The following KIF26B variants were observed in gnomAD, a reference collection of about 807,000 sequenced individuals.
KIF26B encodes kinesin-like protein KIF26B.
Under a neutral mutation model 151.2 loss-of-function variants are expected in KIF26B, and 63 were observed. The ratio of observed to expected loss-of-function variants is 0.42; its 90% confidence interval spans 0.34 to 0.51. KIF26B has a LOEUF of 0.51. Among genes scored for constraint, KIF26B ranks in the 20% least tolerant of loss-of-function variants. The pLI, the probability that KIF26B is intolerant of heterozygous loss-of-function variation, is 0.07. For synonymous variants in KIF26B, 1,357 were observed against 1,262.1 expected, an observed-to-expected ratio of 1.08 and a Z score of -1.59; for missense variants, 2,813 against 2,913.6, an observed-to-expected ratio of 0.97 and a Z score of 0.79.
intron 2 of KIF26B, among the ~76,000 whole-genome samples, chr1:245,272,351 A>G (rs1056042576): frequency 6.6e-6 from 1 of 152,164 alleles, no homozygotes; most frequent in Non-Finnish European, 1.5e-5. Context: ...ACTTGAGCTC[A>G]GAAGTTCAAG....
At chr1:245,334,708 C>T (rs939735830) in intron 2 of KIF26B, among the ~76,000 whole-genome samples, 3 of 152,168 alleles carry the variant, frequency 2.0e-5, no homozygotes, top group Admixed American at 2.0e-4. Flanking sequence ...GAGGAGTGAG[C>T]CTGCAGTGCA....
chr1:245,194,435 T>C (rs1280925630), intron 2 of KIF26B, among the ~76,000 whole-genome samples: 2 of 152,194 alleles, frequency 1.3e-5, no homozygotes, highest in African/African-American at 4.8e-5. Context: ...GTCTTCCTCA[T>C]GCAGCGGTGC....
rs1472321768 is a variant in KIF26B at position 245,580,462 on chromosome 1, G to GC, written c.1351-22115_1351-22114insC. Among the ~76,000 whole-genome samples, 3 of 152,244 alleles carry GC rather than the reference G, an allele frequency of 2.0e-5. No individual in the cohort carries two copies. The East Asian group carries it at 5.8e-4, about 29-fold the overall frequency. Reference sequence around the variant, plus strand: ...TGTAGAAAATGAAAAGGGCTAATTAGATAGACCAGGGCTAGTCATAGCAGA... The same window carrying GC: ...TGTAGAAAATGAAAAGGGCTAATTAGCATAGACCAGGGCTAGTCATAGCAGA... On this transcript the variant is annotated intron_variant, in intron 5 of 14. Transcript: ENST00000407071.
intron 3 of KIF26B, among the ~76,000 whole-genome samples, chr1:245,397,196 C>T (rs992460654): frequency 5.6e-5 from 8 of 143,310 alleles, no homozygotes; most frequent in Non-Finnish European, 1.2e-4. Flanking sequence ...CCTCTTGATC[C>T]TGTTTTCCAC....
chr1:245,240,095 G>A (rs1458291798), intron 2 of KIF26B, among the ~76,000 whole-genome samples: 3 of 151,988 alleles, frequency 2.0e-5, no homozygotes, highest in Non-Finnish European at 4.4e-5. Context: ...GCTTGAACCC[G>A]GGAGGCGGAG....
At chr1:245,256,613 C>A (rs574663916) in intron 2 of KIF26B, among the ~76,000 whole-genome samples, 68 of 152,246 alleles carry the variant, frequency 4.5e-4, no homozygotes, top group African/African-American at 1.6e-3. Flanking sequence ...CTGAATGGAC[C>A]TCTCCTCTCC....
intron 2 of KIF26B, among the ~76,000 whole-genome samples, chr1:245,300,267 C>T (rs1558380426): frequency 6.6e-6 from 1 of 152,154 alleles, no homozygotes; most frequent in African/African-American, 2.4e-5. Flanking sequence ...AAGATTTCTT[C>T]ACCTGTGTGT....
At chr1:245,378,555 C>T (rs1673329378) in intron 3 of KIF26B, among the ~76,000 whole-genome samples, 2 of 152,198 alleles carry the variant, frequency 1.3e-5, no homozygotes, top group South Asian at 2.1e-4. Context: ...CCACCCTCCC[C>T]AGACCTTGTT....
chr1:245,465,590 C>T (rs956347036), intron 4 of KIF26B, among the ~76,000 whole-genome samples: 2 of 152,226 alleles, frequency 1.3e-5, no homozygotes, highest in Admixed American at 6.5e-5. Flanking sequence ...GCCTTTAGCA[C>T]GTAGATATTC....
At chr1:245,496,136 T>A (rs1174631105) in intron 4 of KIF26B, among the ~76,000 whole-genome samples, 1 of 152,096 alleles carries the variant, frequency 6.6e-6, no homozygotes, top group Admixed American at 6.6e-5. Flanking sequence ...ACAGAAAGGG[T>A]CAACATGTGG....
intron 10 of KIF26B, among the ~76,000 whole-genome samples, chr1:245,663,280 T>A (rs2044177327): frequency 1.2e-4 from 2 of 16,082 alleles, no homozygotes; most frequent in African/African-American, 4.2e-4. Context: ...AGAAACCCAT[T>A]TTTTTTTTCT....
intron 9 of KIF26B, among the ~76,000 whole-genome samples, chr1:245,625,169 T>C (rs1012702435): frequency 2.6e-5 from 4 of 152,356 alleles, no homozygotes; most frequent in African/African-American, 9.6e-5. Context: ...GGTGGATGTA[T>C]AATAGGTCTT....
intron 10 of KIF26B, among the ~76,000 whole-genome samples, chr1:245,654,337 T>G (rs1229770904): frequency 6.6e-6 from 1 of 151,542 alleles, no homozygotes; most frequent in Non-Finnish European, 1.5e-5. Context: ...AAAATAAAAT[T>G]AAAAAGAATG....
At chr1:245,508,309 C>T (rs111656588) in intron 4 of KIF26B, among the ~76,000 whole-genome samples, 4,090 of 152,256 alleles carry the variant, frequency 0.027, 152 homozygotes, top group African/African-American at 0.08. Flanking sequence ...GGCGCGATCT[C>T]GGCTCACTGC....
At chr1:245,447,092 G>T (rs1659265017) in intron 4 of KIF26B, among the ~76,000 whole-genome samples, 1 of 152,130 alleles carries the variant, frequency 6.6e-6, no homozygotes, top group South Asian at 2.1e-4. Flanking sequence ...TTCTGTTTTG[G>T]CTTTGCCTCC....
At chr1:245,183,081 G>T (rs76938036) in intron 2 of KIF26B, among the ~76,000 whole-genome samples, 1 of 152,118 alleles carries the variant, frequency 6.6e-6, no homozygotes, top group Non-Finnish European at 1.5e-5. Context: ...GCATCTTTTC[G>T]TGCTTATTGA....
intron 4 of KIF26B, among the ~76,000 whole-genome samples, chr1:245,450,480 C>T (rs536459628): frequency 6.6e-6 from 1 of 152,314 alleles, no homozygotes; most frequent in East Asian, 1.9e-4. Flanking sequence ...TCTCAAAGAG[C>T]CTTTCTATAA....
intron 2 of KIF26B, among the ~76,000 whole-genome samples, chr1:245,308,874 A>G (rs1671610201): frequency 1.3e-5 from 2 of 152,220 alleles, no homozygotes; most frequent in Non-Finnish European, 2.9e-5. Context: ...AATACATACC[A>G]TTAGGCACGA....
intron 2 of KIF26B, among the ~76,000 whole-genome samples, chr1:245,337,808 T>C (rs917486875): frequency 2.0e-5 from 3 of 152,160 alleles, no homozygotes; most frequent in Non-Finnish European, 2.9e-5. Flanking sequence ...CAGAAGACCA[T>C]GCAGTGGCTG....
Sources: gnomAD v4.1 joint callset for allele counts (sites outside exome capture counted in the v4.1 genomes callset) on GRCh38, gnomAD v4.1.1 for gene constraint, MANE v1.5 for transcripts, NCBI Gene and HGNC (gene_info 2026-07-23, HGNC 2026-07-21) for gene names.